Variants in ADAMTSL1 observed in about 807,000 individuals in gnomAD.
ADAMTSL1 encodes ADAMTS-like protein 1.
ADAMTSL1 carries 126 observed loss-of-function variants against 201.8 expected under a neutral mutation model. That is an observed-to-expected ratio of 0.62 (90% CI 0.54 to 0.72). ADAMTSL1 has a LOEUF of 0.72. Among genes scored for constraint, ADAMTSL1 ranks in the 30% least tolerant of loss-of-function variants. ADAMTSL1 has a pLI of 0.00. For missense variants in ADAMTSL1, 2,679 were observed against 2,277.8 expected (o/e 1.18, Z -3.59); for synonymous variants, 1,121 against 903.4 (o/e 1.24, Z -4.32).
chr9:17,988,783 G>A (rs1331448711), intron 1 of ADAMTSL1, among the ~76,000 whole-genome samples: 2 of 151,818 alleles, frequency 1.3e-5, no homozygotes, highest in African/African-American at 4.8e-5. Context: ...TAGTGAACGT[G>A]TTAGAATAAT....
chr9:18,886,821 C>CAGACTATAGCACCATCTTTG (rs1178526233), intron 23 of ADAMTSL1, among the ~76,000 whole-genome samples: 1 of 152,238 alleles, frequency 6.6e-6, no homozygotes, highest in Non-Finnish European at 1.5e-5. Flanking sequence ...CACAAACCCT[C>CAGACTATAGCACCATCTTTG]AGACTATAGC....
At chr9:18,087,925 T>C (rs181850816) in intron 1 of ADAMTSL1, among the ~76,000 whole-genome samples, 123 of 152,244 alleles carry the variant, frequency 8.1e-4, no homozygotes, top group African/African-American at 2.8e-3. Flanking sequence ...CAACAATTTG[T>C]CCACACCTGA....
At chr9:18,879,155 GGA>G (rs1236090908) in intron 23 of ADAMTSL1, among the ~76,000 whole-genome samples, 2 of 152,184 alleles carry the variant, frequency 1.3e-5, no homozygotes, top group South Asian at 2.1e-4. Context: ...TGGCTTTGTG[GGA>G]GAGAGAAGAG....
intron 2 of ADAMTSL1, among the ~76,000 whole-genome samples, chr9:18,229,108 A>G (rs1830545842): frequency 6.6e-6 from 1 of 152,180 alleles, no homozygotes; most frequent in Non-Finnish European, 1.5e-5. Context: ...AGCATATGCA[A>G]AAAAGAAAGT....
intron 23 of ADAMTSL1, among the ~76,000 whole-genome samples, chr9:18,885,796 G>C (rs1293543481): frequency 6.6e-6 from 1 of 152,088 alleles, no homozygotes. Flanking sequence ...GAGGTAGCAA[G>C]GTGCCCAGCT....
At position 18,889,751 on chromosome 9, in the gene ADAMTSL1, GA is replaced by G; in HGVS notation, c.4643+4del. ...AACCGGAGAGACTGCCCTTCTCGGTGAGTGCAGCGGACACTGGCTCAGACCT... is the reference window on the plus strand; with the variant it reads ...AACCGGAGAGACTGCCCTTCTCGGTGGTGCAGCGGACACTGGCTCAGACCT... On this transcript the variant is annotated splice_donor_region_variant and intron_variant, in intron 25 of 28. Coordinates refer to ENST00000380548, the MANE Select transcript of ADAMTSL1 (RefSeq NM_001040272.6). The G allele has an allele frequency of 6.7e-7, 1 of 1,482,846 alleles. No individual in the cohort carries two copies. The highest frequency in any genetic ancestry group is 8.9e-7 in the Non-Finnish European group (1 of 1,118,704). 91.9% of individuals were successfully genotyped at this position (1,482,846 alleles called of 1,614,324 possible). A position where few individuals can be genotyped will look rare whatever the true frequency, so the allele number is the denominator to read the frequency against.
At chr9:18,040,114 A>C (rs1182294591) in intron 1 of ADAMTSL1, among the ~76,000 whole-genome samples, 1 of 152,154 alleles carries the variant, frequency 6.6e-6, no homozygotes, top group Non-Finnish European at 1.5e-5. Context: ...ATGTCAGATT[A>C]AAAATAAGCC....
chr9:18,708,311 A>G (rs1366923809), intron 14 of ADAMTSL1, among the ~76,000 whole-genome samples: 6 of 152,222 alleles, frequency 3.9e-5, no homozygotes, highest in African/African-American at 1.4e-4. Flanking sequence ...GTAAGCATTT[A>G]ATAGTGCTGA....
intron 2 of ADAMTSL1, among the ~76,000 whole-genome samples, chr9:18,445,283 A>AT (rs1388404658): frequency 6.6e-6 from 1 of 152,172 alleles, no homozygotes; most frequent in East Asian, 1.9e-4. Context: ...AGCATCAAAT[A>AT]TATGTTTTAT....
At chr9:18,572,209 T>G (rs1437372683) in intron 3 of ADAMTSL1, among the ~76,000 whole-genome samples, 1 of 150,988 alleles carries the variant, frequency 6.6e-6, no homozygotes. Context: ...AAAAAAAAAA[T>G]AAAGTTAATT....
chr9:18,384,550 T>G (rs1318518591), intron 2 of ADAMTSL1, among the ~76,000 whole-genome samples: 1 of 152,072 alleles, frequency 6.6e-6, no homozygotes, highest in Non-Finnish European at 1.5e-5. Flanking sequence ...ATTTGAAGAG[T>G]GTTGAATCCA....
chr9:18,668,199 C>G (rs1339485762), intron 9 of ADAMTSL1, among the ~76,000 whole-genome samples: 1 of 152,170 alleles, frequency 6.6e-6, no homozygotes, highest in Non-Finnish European at 1.5e-5. Flanking sequence ...ATTTAAGTAA[C>G]TGCTTTGTGC....
At chr9:18,034,339 T>A (rs1389114201) in intron 1 of ADAMTSL1, among the ~76,000 whole-genome samples, 1 of 152,112 alleles carries the variant, frequency 6.6e-6, no homozygotes. Flanking sequence ...TACTTTCTAA[T>A]TCCCAAACCA....
At chr9:17,941,172 C>T (rs1827224405) in intron 1 of ADAMTSL1, among the ~76,000 whole-genome samples, 1 of 152,020 alleles carries the variant, frequency 6.6e-6, no homozygotes, top group African/African-American at 2.4e-5. Context: ...AGAAGCCAAG[C>T]AGATTTCTTT....
chr9:18,572,946 A>G (rs1460336798), intron 3 of ADAMTSL1, among the ~76,000 whole-genome samples: 1 of 152,190 alleles, frequency 6.6e-6, no homozygotes, highest in Non-Finnish European at 1.5e-5. Flanking sequence ...GGCTTGTAGA[A>G]TAAGATAAAC....
At chr9:18,116,847 C>T (rs904694419) in intron 1 of ADAMTSL1, among the ~76,000 whole-genome samples, 4 of 152,306 alleles carry the variant, frequency 2.6e-5, no homozygotes, top group Middle Eastern at 6.8e-3. Flanking sequence ...GGTCTGTCCT[C>T]AGACTCTGGT....
At chr9:18,313,072 T>G (rs1489286577) in intron 2 of ADAMTSL1, among the ~76,000 whole-genome samples, 1 of 152,148 alleles carries the variant, frequency 6.6e-6, no homozygotes, top group Non-Finnish European at 1.5e-5. Flanking sequence ...TTCTCAAAGT[T>G]TTGAAGTGGG....
intron 2 of ADAMTSL1, among the ~76,000 whole-genome samples, chr9:18,435,726 T>C (rs1056408451): frequency 2.0e-5 from 3 of 152,200 alleles, no homozygotes; most frequent in East Asian, 3.9e-4. Context: ...CTCACAATCA[T>C]GGCGGATGGC....
chr9:18,601,709 A>C (rs1396935151), intron 4 of ADAMTSL1, among the ~76,000 whole-genome samples: 1 of 152,084 alleles, frequency 6.6e-6, no homozygotes, highest in Non-Finnish European at 1.5e-5. Context: ...CATATATCAT[A>C]CATCATAAAT....
Sources: allele counts gnomAD v4.1 joint callset (sites outside exome capture counted in the v4.1 genomes callset), GRCh38; gene constraint gnomAD v4.1.1; transcripts MANE v1.5; gene names NCBI Gene and HGNC (gene_info 2026-07-23, HGNC 2026-07-21).